The following TDRD3 variants were observed in gnomAD, a reference collection of about 807,000 sequenced individuals.
The protein encoded by TDRD3 is tudor domain containing 3, also known as tudor domain-containing protein 3.
Under a neutral mutation model 86.7 loss-of-function variants are expected in TDRD3, and 45 were observed. The observed-to-expected ratio is 0.52, with a 90% CI of 0.41 to 0.67. The LOEUF (loss-of-function observed/expected upper bound fraction) is 0.67, where lower values mean the gene tolerates loss of function less well. Ranked by LOEUF, TDRD3 falls within the 30% of genes least tolerant of loss-of-function variation. The pLI is 0.00. For missense variants in TDRD3, 814 were observed against 889.0 expected, an observed-to-expected ratio of 0.92 and a Z score of 1.07; for synonymous variants, 298 against 301.7, an observed-to-expected ratio of 0.99 and a Z score of 0.13.
Position 60,439,693 on chromosome 13 carries a change from T to C in TDRD3, c.47T>C (p.Leu16Pro). Residue 16 changes from leucine (L) to proline (P), a missense_variant, in exon 2 of 14, where the codon CTT becomes CCT. Physicochemically the swap from Leu to Pro is moderately conservative, Grantham distance 98. Coordinates refer to ENST00000377881, the MANE Select transcript of TDRD3 (RefSeq NM_001146070.2). Reference protein sequence around the residue: ...GAALSQAGWYLSDEGIEACTS... With the variant: ...GAALSQAGWYPSDEGIEACTS... ...CATTTATTTTATTTTAACAGGTATCTTTCAGATGAAGGCATTGAAGCTTGC... is the reference window on the plus strand; with the variant it reads ...CATTTATTTTATTTTAACAGGTATCCTTCAGATGAAGGCATTGAAGCTTGC... 6.5e-7 allele frequency: 1 copy of C among 1,536,956 alleles called. No homozygotes were observed. Among genetic ancestry groups the C allele is most frequent in the Non-Finnish European group, 8.8e-7 (1 of 1,142,512 alleles).
chr13:60,566,150 C>A (rs1958454346), intron 12 of TDRD3, among the ~76,000 whole-genome samples: 4 of 152,112 alleles, frequency 2.6e-5, no homozygotes, highest in Admixed American at 2.6e-4. Context: ...AAGATTTAAA[C>A]AGCAGTGTTA....
At chr13:60,569,205 G>A (rs1281712427) in intron 13 of TDRD3, among the ~76,000 whole-genome samples, 1 of 152,160 alleles carries the variant, frequency 6.6e-6, no homozygotes, top group Non-Finnish European at 1.5e-5. Flanking sequence ...CTGAGCTCAA[G>A]CAATCTGCCT....
intron 4 of TDRD3, among the ~76,000 whole-genome samples, chr13:60,463,956 A>G (rs1340795647): frequency 6.6e-6 from 1 of 152,174 alleles, no homozygotes; most frequent in Non-Finnish European, 1.5e-5. Flanking sequence ...GCCCTCATTA[A>G]TGGCTTGGTG....
intron 5 of TDRD3, among the ~76,000 whole-genome samples, chr13:60,468,084 A>G (rs904609505): frequency 1.3e-5 from 2 of 152,094 alleles, no homozygotes; most frequent in Non-Finnish European, 2.9e-5. Flanking sequence ...TACTTTCACC[A>G]GGTTTTCTTC....
intron 12 of TDRD3, among the ~76,000 whole-genome samples, chr13:60,546,214 C>T (rs1365746703): frequency 6.6e-6 from 1 of 151,990 alleles, no homozygotes; most frequent in Non-Finnish European, 1.5e-5. Context: ...CTTTTAGAGA[C>T]TGACTTGTAT....
chr13:60,553,520 C>T (rs939151593), intron 12 of TDRD3, among the ~76,000 whole-genome samples: 1 of 150,574 alleles, frequency 6.6e-6, no homozygotes. Flanking sequence ...TCTAGAGATA[C>T]TACCTGAGAC....
intron 12 of TDRD3, among the ~76,000 whole-genome samples, chr13:60,565,337 G>C (rs1958432659): frequency 6.6e-6 from 1 of 151,260 alleles, no homozygotes; most frequent in Admixed American, 6.6e-5. Flanking sequence ...TTACAGGCGT[G>C]AGCCACCGCG....
chr13:60,438,071 T>G (rs910982603), intron 1 of TDRD3, among the ~76,000 whole-genome samples: 2 of 152,188 alleles, frequency 1.3e-5, no homozygotes, highest in African/African-American at 4.8e-5. Context: ...TATAGCAGAC[T>G]GTAAACTTCT....
chr13:60,452,343 G>A (rs1441783112), intron 3 of TDRD3, among the ~76,000 whole-genome samples: 1 of 152,030 alleles, frequency 6.6e-6, no homozygotes, highest in Non-Finnish European at 1.5e-5. Flanking sequence ...AAAGGCAGCT[G>A]ATATTTGCAT....
intron 5 of TDRD3, among the ~76,000 whole-genome samples, chr13:60,472,329 A>T (rs140430933): frequency 8.5e-5 from 13 of 152,336 alleles, no homozygotes; most frequent in African/African-American, 3.1e-4. Context: ...TAAAATACAC[A>T]TAACGTAAAA....
At chr13:60,510,796 T>C in intron 10 of TDRD3, 41 bp downstream of exon 10, 5 of 1,494,298 alleles carry the variant, frequency 3.3e-6, no homozygotes, top group Non-Finnish European at 4.4e-6. Context: ...TTTCTTTCTT[T>C]TCTTTCTTTT....
chr13:60,534,855 G>A (rs1957663835), intron 11 of TDRD3, among the ~76,000 whole-genome samples: 2 of 150,048 alleles, frequency 1.3e-5, no homozygotes, highest in Non-Finnish European at 3.0e-5. Context: ...TTGGGCTGGG[G>A]AGGCGGAGGT....
chr13:60,512,657 C>T (rs1019783388), intron 10 of TDRD3, among the ~76,000 whole-genome samples: 9 of 152,172 alleles, frequency 5.9e-5, no homozygotes, highest in African/African-American at 1.9e-4. Flanking sequence ...CATGCAAGTC[C>T]GAAATCCAGC....
chr13:60,522,717 A>G (rs1957316522), intron 10 of TDRD3, among the ~76,000 whole-genome samples: 1 of 152,228 alleles, frequency 6.6e-6, no homozygotes, highest in Non-Finnish European at 1.5e-5. Flanking sequence ...GTTAATAGAA[A>G]GAGATTATTA....
chr13:60,454,510 C>T (rs1434070082), intron 3 of TDRD3, among the ~76,000 whole-genome samples: 1 of 152,050 alleles, frequency 6.6e-6, no homozygotes, highest in Admixed American at 6.6e-5. Context: ...CCACTTGAAT[C>T]AGAAATGCTT....
At chr13:60,551,977 A>T (rs1958067512) in intron 12 of TDRD3, among the ~76,000 whole-genome samples, 1 of 152,130 alleles carries the variant, frequency 6.6e-6, no homozygotes, top group Non-Finnish European at 1.5e-5. Flanking sequence ...ACATGTGGGG[A>T]TTACGATTTG....
intron 12 of TDRD3, among the ~76,000 whole-genome samples, chr13:60,559,689 T>G (rs1162935299): frequency 1.3e-5 from 2 of 152,086 alleles, no homozygotes; most frequent in Non-Finnish European, 1.5e-5. Context: ...TCTAAAATAG[T>G]CAAACTCATA....
In TDRD3 at chr13:60,528,569, T is replaced by C. The variant is rs1363986111; in HGVS notation, c.1344T>C (p.Asn448=). ...SVLEGSGLPR[N]RGSERPSTSS... Reference sequence around the variant, plus strand: ...TAGAAGGCAGTGGATTACCTAGAAATAGAGGTTCTGAAAGACCAAGTACTT... The same window carrying C: ...TAGAAGGCAGTGGATTACCTAGAAACAGAGGTTCTGAAAGACCAAGTACTT... The change falls in exon 11 of 14, where the codon AAT becomes AAC. Residue 448 remains asparagine (N), a synonymous_variant. Transcript: ENST00000377881. The C allele has an allele frequency of 6.2e-7, 1 of 1,613,992 alleles. No homozygotes were observed. The highest frequency in any genetic ancestry group is 1.7e-5 in the Admixed American group (1 of 60,008).
chr13:60,524,534 AAAAG>A (rs1957366837), intron 10 of TDRD3, among the ~76,000 whole-genome samples: 2 of 151,886 alleles, frequency 1.3e-5, no homozygotes, highest in Non-Finnish European at 2.9e-5. Context: ...AATAAATAAA[AAAAG>A]AGAAAAGAAA....
Sources: gnomAD v4.1 joint callset for allele counts (sites outside exome capture counted in the v4.1 genomes callset) on GRCh38, gnomAD v4.1.1 for gene constraint, MANE v1.5 for transcripts, NCBI Gene and HGNC (gene_info 2026-07-23, HGNC 2026-07-21) for gene names.